AGFG2: variants seen among roughly 807,000 people sequenced by gnomAD.
The protein encoded by AGFG2 is arf-GAP domain and FG repeat-containing protein 2.
AGFG2 carries 31 observed loss-of-function variants against 48.0 expected under a neutral mutation model. That is an observed-to-expected ratio of 0.65 (90% confidence interval 0.49 to 0.87). The LOEUF (loss-of-function observed/expected upper bound fraction) is 0.87, where lower values mean the gene tolerates loss of function less well. Among genes scored for constraint, AGFG2 ranks in the 40% least tolerant of loss-of-function variants. AGFG2 has a pLI of 0.00. For synonymous variants in AGFG2, 229 were observed against 260.8 expected (o/e 0.88, Z 1.18); for missense variants, 599 against 632.6 (o/e 0.95, Z 0.57).
At chr7:100,540,937 G>A (rs558529839) in intron 1 of AGFG2, among the ~76,000 whole-genome samples, 145 of 150,958 alleles carry the variant, frequency 9.6e-4, no homozygotes, top group Non-Finnish European at 1.4e-3. Flanking sequence ...ACTTGAACCC[G>A]GGAGGTGGAG....
intron 3 of AGFG2, 62 bp downstream of exon 3, chr7:100,550,573 C>G (rs1485568506): frequency 7.5e-7 from 1 of 1,329,504 alleles, no homozygotes; most frequent in African/African-American, 1.5e-5. Context: ...TCTGACAGTC[C>G]AGTTTCTAGA....
At chr7:100,558,166 A>G (rs1256758018) in intron 6 of AGFG2, among the ~76,000 whole-genome samples, 2 of 152,224 alleles carry the variant, frequency 1.3e-5, no homozygotes, top group African/African-American at 4.8e-5. Flanking sequence ...GTGAGCAGAC[A>G]TCGTGCTGTT....
intron 1 of AGFG2, 31 bp from the exon 2 acceptor site, chr7:100,548,791 A>G: frequency 6.4e-7 from 1 of 1,553,104 alleles, no homozygotes; most frequent in Non-Finnish European, 8.9e-7. Context: ...ACTGCATTAT[A>G]CTTCTCTTTC....
intron 2 of AGFG2, among the ~76,000 whole-genome samples, chr7:100,550,168 G>A (rs989489233): frequency 1.3e-5 from 2 of 152,162 alleles, no homozygotes; most frequent in Non-Finnish European, 2.9e-5. Flanking sequence ...TTAGCTGGGC[G>A]TGGTGGCGCA....
chr7:100,543,558 C>G (rs1487694154), intron 1 of AGFG2, among the ~76,000 whole-genome samples: 1 of 152,154 alleles, frequency 6.6e-6, no homozygotes, highest in Non-Finnish European at 1.5e-5. Context: ...AGCAAAATTA[C>G]TAGAATTCCC....
intron 3 of AGFG2, 57 bp from the exon 4 acceptor site, chr7:100,553,290 T>G (rs1256288684): frequency 6.3e-7 from 1 of 1,595,092 alleles, no homozygotes; most frequent in Non-Finnish European, 8.6e-7. Flanking sequence ...ACATCTCAGC[T>G]GAGCGTGGTC....
chr7:100,551,051 TATA>T (rs1562791794), intron 3 of AGFG2, among the ~76,000 whole-genome samples: 3 of 84,742 alleles, frequency 3.5e-5, no homozygotes, highest in African/African-American at 1.2e-4. Context: ...TATATATATA[TATA>T]TATATATATA....
At chr7:100,554,348 T>G in intron 5 of AGFG2, 90 bp downstream of exon 5, 1 of 1,452,344 alleles carries the variant, frequency 6.9e-7, no homozygotes, top group Non-Finnish European at 9.2e-7. Context: ...TGGCTCTAGA[T>G]CTTCTCATGC....
intron 10 of AGFG2, 78 bp from the exon 11 acceptor site, chr7:100,564,140 G>A: frequency 6.4e-7 from 1 of 1,550,438 alleles, no homozygotes; most frequent in East Asian, 2.3e-5. Context: ...TACTCCCCCA[G>A]TTTAGGAGGG....
At chr7:100,553,247 T>G in intron 3 of AGFG2, 100 bp from the exon 4 acceptor site, 1 of 1,430,566 alleles carries the variant, frequency 7.0e-7, no homozygotes, top group Non-Finnish European at 9.7e-7. Context: ...TAGAGAAAAA[T>G]GAGCATAGAT....
chr7:100,566,227 T>C lies in AGFG2; in HGVS notation c.*1236T>C, dbSNP rs1050014439. On this transcript the variant is annotated 3_prime_UTR_variant, in exon 12 of 12. Transcript: ENST00000300176. ...CTGCCGGGGACTGGAGTTTGTTGGATGTGAGGGGAATGCCCACTGGGGCCA... is the reference window on the plus strand; with the variant it reads ...CTGCCGGGGACTGGAGTTTGTTGGACGTGAGGGGAATGCCCACTGGGGCCA... The C allele has an allele frequency of 6.6e-6, 1 of 152,118 alleles. No homozygotes were observed. Among genetic ancestry groups the C allele is most frequent in the African/African-American group, 2.4e-5 (1 of 41,420 alleles). 9.4% of individuals were successfully genotyped at this position (152,118 alleles called of 1,614,324 possible). A position where few individuals can be genotyped will look rare whatever the true frequency, so the allele number is the denominator to read the frequency against.
At position 100,539,247 on chromosome 7, in the gene AGFG2, T is replaced by A; in HGVS notation, c.-100T>A. ...TGCGGATGCCGCCCGCTCCCGAGCT[T>A]CTGTCAGGGGAGCCGGGCGTGCGGA... is the stretch of plus-strand genomic sequence containing the variant. On this transcript the variant is annotated 5_prime_UTR_variant, in exon 1 of 12. Coordinates refer to ENST00000300176, the MANE Select transcript of AGFG2 (RefSeq NM_006076.5). The A allele has an allele frequency of 8.4e-7, 1 of 1,187,134 alleles. No individual in the cohort carries two copies. Among genetic ancestry groups the A allele is most frequent in the Non-Finnish European group, 1.1e-6 (1 of 934,918 alleles). 73.5% of individuals were successfully genotyped at this position (1,187,134 alleles called of 1,614,324 possible).
At chr7:100,563,233 C>A (rs549773348) in intron 9 of AGFG2, among the ~76,000 whole-genome samples, 1 of 152,316 alleles carries the variant, frequency 6.6e-6, no homozygotes, top group East Asian at 1.9e-4. Context: ...AGCAGTGTCC[C>A]TTTGGGCACC....
Position 100,565,102 on chromosome 7 carries a change from G to A in AGFG2, c.*111G>A, listed in dbSNP as rs756015764. The A allele has an allele frequency of 1.5e-4, 189 of 1,267,850 alleles. No homozygotes were observed. Among genetic ancestry groups the A allele is most frequent in the Non-Finnish European group, 2.1e-4 (179 of 870,266 alleles). 78.5% of individuals were successfully genotyped at this position (1,267,850 alleles called of 1,614,324 possible). On this transcript the variant is annotated 3_prime_UTR_variant, in exon 12 of 12. Coordinates refer to ENST00000300176, the MANE Select transcript of AGFG2 (RefSeq NM_006076.5). ...TCTATGGGCCTTGGGGATGGTGGAG[G>A]TGCTAATGCTTTGCTTGGGGCCTAC...
intron 2 of AGFG2, among the ~76,000 whole-genome samples, chr7:100,549,314 T>C (rs917027338): frequency 1.3e-5 from 2 of 152,190 alleles, no homozygotes; most frequent in Non-Finnish European, 2.9e-5. Flanking sequence ...GGAAAGTGAC[T>C]TAAACCCCTT....
chr7:100,543,249 G>C (rs971778425), intron 1 of AGFG2, among the ~76,000 whole-genome samples: 1 of 152,116 alleles, frequency 6.6e-6, no homozygotes, highest in African/African-American at 2.4e-5. Flanking sequence ...ATTTTTAGTA[G>C]AGACGGGGTT....
rs1342949591 is a variant in AGFG2 at position 100,554,152 on chromosome 7, C to T, written c.645C>T (p.His215=). ...CCCGGAGCACTCAGCCACCTCCCCACTCCTCTGTCAAAAAAGCCAGTACTG... is the reference window on the plus strand; with the variant it reads ...CCCGGAGCACTCAGCCACCTCCCCATTCCTCTGTCAAAAAAGCCAGTACTG... ...SQARSTQPPP[H]SSVKKASTDL... Residue 215 remains histidine, a synonymous_variant, in exon 5 of 12, where the codon CAC becomes CAT. Coordinates refer to ENST00000300176, the MANE Select transcript of AGFG2 (RefSeq NM_006076.5). 1 of 1,614,130 alleles carries T rather than the reference C, an allele frequency of 6.2e-7. No homozygotes were observed. Among genetic ancestry groups the T allele is most frequent in the Non-Finnish European group, 8.5e-7 (1 of 1,180,046 alleles).
At chr7:100,564,116 C>T (rs1800945260) in intron 10 of AGFG2, 102 bp from the exon 11 acceptor site, 3 of 1,526,334 alleles carry the variant, frequency 2.0e-6, no homozygotes, top group Admixed American at 1.9e-5. Flanking sequence ...GGTACTTCCA[C>T]TGCTCTGTTC....
intron 2 of AGFG2, 103 bp downstream of exon 2, chr7:100,549,018 T>C: frequency 1.1e-6 from 1 of 914,476 alleles, no homozygotes; most frequent in African/African-American, 1.7e-5. Context: ...TGGTTGAGTT[T>C]CTCTTAATTT....
Sources: allele counts gnomAD v4.1 joint callset (sites outside exome capture counted in the v4.1 genomes callset), GRCh38; gene constraint gnomAD v4.1.1; transcripts MANE v1.5; gene names NCBI Gene and HGNC (gene_info 2026-07-23, HGNC 2026-07-21).